MDN1: variants seen among roughly 807,000 people sequenced by gnomAD.
MDN1 encodes the protein midasin AAA ATPase 1.
Under a neutral mutation model 669.2 loss-of-function variants are expected in MDN1, and 266 were observed. That is an observed-to-expected ratio of 0.40 (90% CI 0.36 to 0.44). The LOEUF is 0.44. MDN1 is among the 20% of genes least tolerant of loss of function. MDN1 has a pLI of 1.00. For synonymous variants in MDN1, 2,385 were observed against 2,457.1 expected (o/e 0.97, Z 0.87); for missense variants, 5,940 against 6,754.0 (o/e 0.88, Z 4.22).
rs1221153788 is a variant in MDN1, at chr6:89,694,137, T to C, written c.9818A>G (p.Gln3273Arg). 3 of 1,614,208 alleles carry C rather than the reference T, an allele frequency of 1.9e-6. No homozygotes were observed. The highest frequency in any genetic ancestry group is 1.7e-6 in the Non-Finnish European group (2 of 1,180,038). ...TTCCAGGTCTCTTCCAGTCTGCAGC[T>C]GGGATGACAGGTTCCGGGTCTTCCA... ...CEWKTRNLSSQLQTGRDLEDE... is the reference protein window; with the variant it reads ...CEWKTRNLSSRLQTGRDLEDE... The change falls in exon 62 of 102, where the codon CAG becomes CGG. Residue 3273 changes from glutamine to arginine, a missense_variant. By Grantham distance (43) the Gln-to-Arg change is conservative. Around this residue, in one of 5 missense-constraint regions of MDN1, gnomAD observed 2,292 missense variants for 2,638.3 expected, o/e 0.87. Coordinates refer to ENST00000369393, the MANE Select transcript of MDN1 (RefSeq NM_014611.3).
rs150545943 is a variant in MDN1 at position 89,693,140 on chromosome 6, C to T, written c.9890G>A (p.Arg3297His). ...SYSHPHVRLL[R>H]QRMDRLDNLT... The stretch of plus-strand genomic sequence containing the variant: ...ATTATCCAGCCGATCCATCCTTTGG[C>T]GAAGCAGCCTAACGGGAAATTAACA... Residue 3297 changes from arginine (R) to histidine (H), a missense_variant, in exon 63 of 102, where the codon CGC becomes CAC. Physicochemically the swap from Arg to His is conservative, Grantham distance 29 (BLOSUM62 0). Coordinates refer to ENST00000369393, the MANE Select transcript of MDN1 (RefSeq NM_014611.3). The T allele has an allele frequency of 1.2e-4, 194 of 1,582,470 alleles. No individual in the cohort carries two copies. The African/African-American group carries it at 1.9e-3, about 16-fold the overall frequency.
intron 8 of MDN1, among the ~76,000 whole-genome samples, chr6:89,785,685 A>T (rs7766724): frequency 0.3 from 45,923 of 152,144 alleles, 6,971 homozygotes; most frequent in Non-Finnish European, 0.32. Context: ...GAAGAGAAGG[A>T]AAGAATGGCC....
rs145960757 is a variant in MDN1 at position 89,672,696 on chromosome 6, T to G, written c.13481A>C (p.Gln4494Pro). 6.2e-7 allele frequency: 1 copy of G among 1,613,710 alleles called. No individual in the cohort carries two copies. Among genetic ancestry groups the G allele is most frequent in the Non-Finnish European group, 8.5e-7 (1 of 1,179,918 alleles). The change falls in exon 81 of 102, where the codon CAA becomes CCA. Residue 4494 changes from glutamine (Q) to proline (P), a missense_variant. This residue lies in a region of MDN1 where 2,280 missense variants were observed against 2,576.3 expected (regional missense o/e 0.88). Coordinates refer to ENST00000369393, the MANE Select transcript of MDN1 (RefSeq NM_014611.3). ...LLTSDSQGGN[Q>P]MLDEGFVEDF... ...TTCCACAAATCCTTCGTCCAACATT[T>G]GATTTCCTAGCAGGTAACATGGTGC... is the stretch of plus-strand genomic sequence containing the variant.
rs1417747903 is a variant in MDN1, at chr6:89,656,018, G to C, written c.15286-50C>G. 3.3e-6 allele frequency: 5 copies of C among 1,531,258 alleles called. No individual in the cohort carries two copies. In the Admixed American group the frequency reaches 8.6e-5, roughly 26 times the overall value. The allele number at this position is 1,531,258 out of a possible 1,614,324, so 94.9% of individuals were successfully genotyped here. On this transcript the variant is annotated intron_variant, in intron 91 of 101. Transcript: ENST00000369393. ...AGAGCCTTGCCTGTCATGACAAAAG[G>C]ACTCAAAGTAAACATAATATCCATC...
At position 89,803,274 on chromosome 6, in the gene MDN1, A is replaced by G. The variant is rs1046528443; in HGVS notation, c.329+54T>C. 7 of 1,464,458 alleles carry G rather than the reference A, an allele frequency of 4.8e-6. No homozygotes were observed. The African/African-American group carries it at 9.7e-5, about 20-fold the overall frequency. The allele number at this position is 1,464,458 out of a possible 1,614,324, so 90.7% of individuals were successfully genotyped here. A position where few individuals can be genotyped will look rare whatever the true frequency, so the allele number is the denominator to read the frequency against. On this transcript the variant is annotated intron_variant, in intron 2 of 101. Coordinates refer to ENST00000369393, the MANE Select transcript of MDN1 (RefSeq NM_014611.3). ...CTCAGACTCCCTTACATCCCAGGAG[A>G]CAGCAGGTTCTATCACCTCAAGGAG...
intron 83 of MDN1, among the ~76,000 whole-genome samples, chr6:89,670,398 A>T (rs1288022715): frequency 1.3e-5 from 2 of 151,526 alleles, no homozygotes; most frequent in Non-Finnish European, 2.9e-5. Flanking sequence ...GGCTGGTCTC[A>T]AATTCCTGAC....
At position 89,702,067 on chromosome 6, in the gene MDN1, A is replaced by C. The variant is rs1584226785; in HGVS notation, c.8149-6T>G. On this transcript the variant is annotated splice_polypyrimidine_tract_variant and splice_region_variant and intron_variant, in intron 53 of 101. Coordinates refer to ENST00000369393, the MANE Select transcript of MDN1 (RefSeq NM_014611.3). ...CACCGCAGAGAACCTAAGATCTAAA[A>C]ACAAAGTCTCTTAGATAAGATGGCA... The C allele has an allele frequency of 6.3e-7, 1 of 1,584,894 alleles. No homozygotes were observed. The highest frequency in any genetic ancestry group is 8.5e-7 in the Non-Finnish European group (1 of 1,169,716).
In MDN1 at chr6:89,740,290, T is replaced by C. The variant is rs1481456880; in HGVS notation, c.4537A>G (p.Lys1513Glu). Residue 1513 changes from lysine (K) to glutamate (E), a missense_variant, in exon 32 of 102, where the codon AAA becomes GAA. Lys to Glu is a moderately conservative substitution (Grantham distance 56). Transcript: ENST00000369393. ...ATGGTTGCTAGAATACGAAATTTTTTCCCAGCAGTCAACAGCTCTATTTCA... is the reference window on the plus strand; with the variant it reads ...ATGGTTGCTAGAATACGAAATTTTTCCCCAGCAGTCAACAGCTCTATTTCA... ...DSEIELLTAG[K>E]KFRILATMNP... 5 of 1,612,180 alleles carry C rather than the reference T, an allele frequency of 3.1e-6. No individual in the cohort carries two copies. The highest frequency in any genetic ancestry group is 4.2e-6 in the Non-Finnish European group (5 of 1,179,504).
Position 89,693,068 on chromosome 6 carries a change from G to A in MDN1, c.9962C>T (p.Pro3321Leu). 1 of 1,614,144 alleles carries A rather than the reference G, an allele frequency of 6.2e-7. No homozygotes were observed. The highest frequency in any genetic ancestry group is 8.5e-7 in the Non-Finnish European group (1 of 1,180,012). Residue 3321 changes from proline to leucine, a missense_variant, in exon 63 of 102, where the codon CCT (proline) becomes CTT (leucine). This residue lies in a region of MDN1 where 150 missense variants were observed against 234.2 expected (regional missense o/e 0.64). Coordinates refer to ENST00000369393, the MANE Select transcript of MDN1 (RefSeq NM_014611.3). ...LKKQAFRPQL[P>L]AYESLVQEIH... is the part of the protein sequence containing the mutation. ...CTCCTGAACCAGGGACTCGTAGGCAGGCAGCTGGGGTCTAAAGGCCTGTTT... is the reference window on the plus strand; with the variant it reads ...CTCCTGAACCAGGGACTCGTAGGCAAGCAGCTGGGGTCTAAAGGCCTGTTT...
At chr6:89,811,244 A>T (rs1410986295) in intron 1 of MDN1, among the ~76,000 whole-genome samples, 1 of 152,154 alleles carries the variant, frequency 6.6e-6, no homozygotes, top group Non-Finnish European at 1.5e-5. Flanking sequence ...CAGGCCTGCA[A>T]GAAAAGGGAT....
intron 27 of MDN1, 92 bp from the exon 28 acceptor site, chr6:89,745,718 C>G (rs1219887578): frequency 2.4e-6 from 3 of 1,247,130 alleles, no homozygotes; most frequent in Non-Finnish European, 3.4e-6. Context: ...AATAGAAACT[C>G]TCATACGCGG....
At position 89,763,343 on chromosome 6, in the gene MDN1, A is replaced by C. The variant is rs568909499; in HGVS notation, c.2145-813T>G. On this transcript the variant is annotated intron_variant, in intron 15 of 101. Coordinates refer to ENST00000369393, the MANE Select transcript of MDN1 (RefSeq NM_014611.3). ...TAGGGTAGGGCACGCAAAAAAAAAA[A>C]AAAAAAAAAAAAAATCTTAGCTATT... Among the ~76,000 whole-genome samples, 14 of 151,816 alleles carry C rather than the reference A, an allele frequency of 9.2e-5. 1 individual carries two copies. The South Asian group carries it at 2.1e-3, about 23-fold the overall frequency.
chr6:89,738,259 A>G, intron 33 of MDN1, 67 bp downstream of exon 33: 4 of 1,532,134 alleles, frequency 2.6e-6, no homozygotes, highest in Non-Finnish European at 3.6e-6. Context: ...CCTGTAAGAG[A>G]TCCCTCAACT....
chr6:89,764,624 G>A (rs948833878), intron 15 of MDN1, among the ~76,000 whole-genome samples: 2 of 152,138 alleles, frequency 1.3e-5, no homozygotes, highest in African/African-American at 4.8e-5. Flanking sequence ...ATCACAGTCA[G>A]GAAAGGCTTT....
intron 11 of MDN1, among the ~76,000 whole-genome samples, chr6:89,778,391 A>G (rs1466296555): frequency 6.6e-6 from 1 of 152,124 alleles, no homozygotes; most frequent in Non-Finnish European, 1.5e-5. Flanking sequence ...CAAGATGCAA[A>G]AAGACCCAAA....
Position 89,730,752 on chromosome 6 carries a change from C to A in MDN1, c.5114G>T (p.Gly1705Val). The change falls in exon 35 of 102, where the codon GGA becomes GTA. Residue 1705 changes from glycine to valine, a missense_variant. By Grantham distance (109) the Gly-to-Val change is moderately radical. Transcript: ENST00000369393. Reference sequence around the variant, plus strand: ...CCTTGGTATAAAAAATGGATGAATTCCCCAAAGGTTATCTATTCCAGTGAA... The same window carrying A: ...CCTTGGTATAAAAAATGGATGAATTACCCAAAGGTTATCTATTCCAGTGAA... Reference protein sequence around the residue: ...KEFTGIDNLWGIHPFFIPRGP... With the variant: ...KEFTGIDNLWVIHPFFIPRGP... 1 of 1,613,758 alleles carries A rather than the reference C, an allele frequency of 6.2e-7. No individual in the cohort carries two copies. The highest frequency in any genetic ancestry group is 8.5e-7 in the Non-Finnish European group (1 of 1,179,904).
rs368726519 is a variant in MDN1 at position 89,656,818 on chromosome 6, A to G, written c.15184-17T>C. On this transcript the variant is annotated splice_polypyrimidine_tract_variant and intron_variant, in intron 90 of 101. Coordinates refer to ENST00000369393, the MANE Select transcript of MDN1 (RefSeq NM_014611.3). ...TCCGTGTTCCTAGGAAATCCAAGCCACAAAAGAATGAGGTGAAAGAAGCTA... is the reference window on the plus strand; with the variant it reads ...TCCGTGTTCCTAGGAAATCCAAGCCGCAAAAGAATGAGGTGAAAGAAGCTA... 7.5e-6 allele frequency: 12 copies of G among 1,604,580 alleles called. No homozygotes were observed. Among genetic ancestry groups the G allele is most frequent in the Non-Finnish European group, 9.4e-6 (11 of 1,173,108 alleles).
At chr6:89,748,198 C>T (rs1439964229) in intron 26 of MDN1, among the ~76,000 whole-genome samples, 1 of 151,886 alleles carries the variant, frequency 6.6e-6, no homozygotes, top group East Asian at 1.9e-4. Context: ...TGGTGGTGCA[C>T]GCCTATAGTC....
At chr6:89,682,494 G>A (rs1487829425) in intron 73 of MDN1, among the ~76,000 whole-genome samples, 1 of 152,142 alleles carries the variant, frequency 6.6e-6, no homozygotes, top group Non-Finnish European at 1.5e-5. Flanking sequence ...AGATCATGGG[G>A]TCAGGAGATC....
Sources: allele counts gnomAD v4.1 joint callset (sites outside exome capture counted in the v4.1 genomes callset), GRCh38; gene constraint gnomAD v4.1.1; regional missense constraint gnomAD v4.1.1; transcripts MANE v1.5; gene names NCBI Gene and HGNC (gene_info 2026-07-23, HGNC 2026-07-21).